The following MXI1 variants were observed in gnomAD, a reference collection of about 807,000 sequenced individuals.
MXI1 encodes the protein MAX interactor 1, dimerization protein, also known as max-interacting protein 1.
MXI1 carries 18 observed loss-of-function variants against 36.9 expected under a neutral mutation model. That is an observed-to-expected ratio of 0.49 (90% CI 0.34 to 0.72). The LOEUF (loss-of-function observed/expected upper bound fraction) is 0.72. Ranked by LOEUF, MXI1 falls within the 30% of genes least tolerant of loss-of-function variation. The probability of loss-of-function intolerance (pLI) is 0.01; values close to 1 mark genes in which losing one functional copy is unlikely to be tolerated. For missense variants in MXI1, 304 were observed against 379.1 expected, an observed-to-expected ratio of 0.80 and a Z score of 1.64; for synonymous variants, 160 against 146.7, an observed-to-expected ratio of 1.09 and a Z score of -0.65.
intron 1 of MXI1, among the ~76,000 whole-genome samples, chr10:110,209,915 G>GCCCCCCTACCCCAGCCAC (rs1590317931): frequency 6.6e-6 from 1 of 150,924 alleles, no homozygotes; most frequent in East Asian, 2.0e-4. Flanking sequence ...AACCTGGCTT[G>GCCCCCCTACCCCAGCCAC]CCCCCCTACC....
chr10:110,272,839 C>T (rs1487618965), intron 3 of MXI1, among the ~76,000 whole-genome samples: 1 of 151,772 alleles, frequency 6.6e-6, no homozygotes, highest in Non-Finnish European at 1.5e-5. Flanking sequence ...AAGAGAGTCC[C>T]AGCTATTTTC....
In MXI1 at chr10:110,287,186, A is replaced by G. The variant is rs1437004888; in HGVS notation, c.*2199A>G. 6.6e-6 allele frequency: 1 copy of G among 152,330 alleles called. No individual in the cohort carries two copies. The highest frequency in any genetic ancestry group is 1.9e-4 in the East Asian group (1 of 5,194). 9.4% of individuals were successfully genotyped at this position (152,330 alleles called of 1,614,324 possible). A position where few individuals can be genotyped will look rare whatever the true frequency, so the allele number is the denominator to read the frequency against. On this transcript the variant is annotated 3_prime_UTR_variant, in exon 6 of 6. Coordinates refer to ENST00000332674, the MANE Select transcript of MXI1 (RefSeq NM_130439.3). The stretch of plus-strand genomic sequence containing the variant: ...CATATGTACAGGATTATGGGCTGGA[A>G]AGCATTTGTTATAAACCTATAGTGC...
intron 1 of MXI1, among the ~76,000 whole-genome samples, chr10:110,222,677 G>A (rs1854847787): frequency 6.6e-6 from 1 of 152,164 alleles, no homozygotes; most frequent in Admixed American, 6.5e-5. Flanking sequence ...AGGATTCCAG[G>A]TTCTTATGTC....
At chr10:110,266,386 G>A (rs1032267224) in intron 3 of MXI1, among the ~76,000 whole-genome samples, 1 of 152,204 alleles carries the variant, frequency 6.6e-6, no homozygotes, top group African/African-American at 2.4e-5. Flanking sequence ...GGGATTACAG[G>A]TGTGAGCCAC....
At chr10:110,273,041 CTT>C (rs771024820) in intron 3 of MXI1, among the ~76,000 whole-genome samples, 3,540 of 110,508 alleles carry the variant, frequency 0.032, 39 homozygotes, top group East Asian at 0.23. Flanking sequence ...GCTTGTTTAG[CTT>C]TTTTTTTTTT....
At chr10:110,220,157 C>T (rs1854765373) in intron 1 of MXI1, among the ~76,000 whole-genome samples, 1 of 152,356 alleles carries the variant, frequency 6.6e-6, no homozygotes, top group East Asian at 1.9e-4. Context: ...AAGTTCCAAT[C>T]TGTTCATAGC....
At chr10:110,249,793 A>G (rs1856007013) in intron 3 of MXI1, among the ~76,000 whole-genome samples, 2 of 152,014 alleles carry the variant, frequency 1.3e-5, no homozygotes, top group South Asian at 4.1e-4. Context: ...AAAACCTACT[A>G]CTCTGGATAT....
intron 2 of MXI1, among the ~76,000 whole-genome samples, chr10:110,234,820 A>G (rs892169561): frequency 2.6e-5 from 4 of 152,154 alleles, no homozygotes; most frequent in Admixed American, 2.6e-4. Flanking sequence ...TTAACCTTCA[A>G]AATTCTCTGT....
At chr10:110,279,048 T>G in intron 3 of MXI1, 132 bp from the exon 4 acceptor site, 1 of 634,640 alleles carries the variant, frequency 1.6e-6, no homozygotes, top group Non-Finnish European at 2.7e-6. Context: ...TCTTTGACAG[T>G]GGAGAATTAG....
chr10:110,282,758 CT>C (rs1857300226), intron 5 of MXI1, among the ~76,000 whole-genome samples: 1 of 152,062 alleles, frequency 6.6e-6, no homozygotes, highest in African/African-American at 2.4e-5. Flanking sequence ...GTTATGGGGG[CT>C]TTTAGTTAAC....
chr10:110,231,366 C>A (rs1450669370), intron 2 of MXI1, among the ~76,000 whole-genome samples: 1 of 150,038 alleles, frequency 6.7e-6, no homozygotes, highest in South Asian at 2.2e-4. Context: ...TAATCCACCC[C>A]CCCCCCCTCA....
At chr10:110,217,402 A>G (rs1854680149) in intron 1 of MXI1, among the ~76,000 whole-genome samples, 1 of 152,170 alleles carries the variant, frequency 6.6e-6, no homozygotes, top group Non-Finnish European at 1.5e-5. Flanking sequence ...TAGGAAGGCT[A>G]TTGTATTAAA....
At chr10:110,246,353 TAAC>T (rs1052806312) in intron 3 of MXI1, among the ~76,000 whole-genome samples, 3 of 151,942 alleles carry the variant, frequency 2.0e-5, no homozygotes, top group Non-Finnish European at 2.9e-5. Flanking sequence ...ATTAGATTAA[TAAC>T]AAACTGAAAT....
At chr10:110,255,773 C>T (rs370509097) in intron 3 of MXI1, among the ~76,000 whole-genome samples, 1 of 151,996 alleles carries the variant, frequency 6.6e-6, no homozygotes, top group Admixed American at 6.6e-5. Context: ...CAGTGCAAGC[C>T]CTATGAAAGT....
chr10:110,207,757 C>T lies in MXI1; in HGVS notation c.-52C>T, dbSNP rs1428408680. On this transcript the variant is annotated 5_prime_UTR_variant, in exon 1 of 6. Coordinates refer to ENST00000332674, the MANE Select transcript of MXI1 (RefSeq NM_130439.3). ...GTCTCCCTGGGGGCCCGGAGCTCGGCCGGGCCGCGCAGCCCCGTTAGAGGA... is the reference window on the plus strand; with the variant it reads ...GTCTCCCTGGGGGCCCGGAGCTCGGTCGGGCCGCGCAGCCCCGTTAGAGGA... 2 of 1,112,556 alleles carry T rather than the reference C, an allele frequency of 1.8e-6. No individual in the cohort carries two copies. The highest frequency in any genetic ancestry group is 5.1e-5 in the East Asian group (1 of 19,684). The allele number at this position is 1,112,556 out of a possible 1,614,324, so 68.9% of individuals were successfully genotyped here.
At chr10:110,213,130 G>T (rs1007993329) in intron 1 of MXI1, among the ~76,000 whole-genome samples, 1 of 152,174 alleles carries the variant, frequency 6.6e-6, no homozygotes, top group Non-Finnish European at 1.5e-5. Context: ...CCCTTGGGTG[G>T]TGAGACCAAT....
chr10:110,215,056 T>C (rs1854603848), intron 1 of MXI1, among the ~76,000 whole-genome samples: 1 of 137,328 alleles, frequency 7.3e-6, no homozygotes, highest in Non-Finnish European at 1.5e-5. Context: ...TTTTTTTTTT[T>C]TTTGAGATGG....
chr10:110,232,356 G>A (rs1267100169), intron 2 of MXI1, among the ~76,000 whole-genome samples: 1 of 151,984 alleles, frequency 6.6e-6, no homozygotes, highest in African/African-American at 2.4e-5. Context: ...TTCCCTGCAG[G>A]GAATCATTTT....
intron 3 of MXI1, among the ~76,000 whole-genome samples, chr10:110,260,392 T>G (rs1011584987): frequency 1.3e-5 from 2 of 151,356 alleles, no homozygotes; most frequent in Non-Finnish European, 2.9e-5. Context: ...ACTCTGCTGT[T>G]TCTGAAGCAT....
Sources: allele counts gnomAD v4.1 joint callset (sites outside exome capture counted in the v4.1 genomes callset), GRCh38; gene constraint gnomAD v4.1.1; transcripts MANE v1.5; gene names NCBI Gene and HGNC (gene_info 2026-07-23, HGNC 2026-07-21).